The following RBFOX1 variants were observed in gnomAD, a reference collection of about 807,000 sequenced individuals.
RBFOX1 encodes the protein RNA binding fox-1 homolog 1.
Under a neutral mutation model 57.7 loss-of-function variants are expected in RBFOX1, and 8 were observed. That is an observed-to-expected ratio of 0.14 (90% CI 0.08 to 0.25). The LOEUF (loss-of-function observed/expected upper bound fraction) is 0.25, where lower values mean the gene tolerates loss of function less well. Ranked by LOEUF, RBFOX1 falls within the 10% of genes least tolerant of loss-of-function variation. The pLI is 1.00. For synonymous variants in RBFOX1, 326 were observed against 222.4 expected, an observed-to-expected ratio of 1.47 and a Z score of -4.15; for missense variants, 611 against 548.5, an observed-to-expected ratio of 1.11 and a Z score of -1.14.
At chr16:7,008,351 G>C (rs990398288) in intron 3 of RBFOX1, among the ~76,000 whole-genome samples, 1 of 151,992 alleles carries the variant, frequency 6.6e-6, no homozygotes, top group African/African-American at 2.4e-5. Context: ...AGACCATTCT[G>C]GCCAGTATGA....
chr16:6,340,633 G>A (rs536586247), intron 2 of RBFOX1, among the ~76,000 whole-genome samples: 1 of 152,300 alleles, frequency 6.6e-6, no homozygotes, highest in South Asian at 2.1e-4. Context: ...TAGCAGTGAG[G>A]ACAACCAGAG....
chr16:7,238,167 G>A (rs545919695), intron 4 of RBFOX1, among the ~76,000 whole-genome samples: 44 of 152,210 alleles, frequency 2.9e-4, no homozygotes, highest in African/African-American at 9.2e-4. Flanking sequence ...TGGCATGGTC[G>A]TTACCAAGGG....
At chr16:5,712,502 G>A (rs1039089219) in intron 3 of RBFOX1, among the ~76,000 whole-genome samples, 8 of 152,214 alleles carry the variant, frequency 5.3e-5, no homozygotes. Context: ...CAAGAGCAGA[G>A]GGAAGAGTAT....
intron 3 of RBFOX1, among the ~76,000 whole-genome samples, chr16:5,762,393 G>C (rs575712498): frequency 5.1e-4 from 77 of 151,616 alleles, no homozygotes; most frequent in Non-Finnish European, 5.2e-4. Context: ...ACTCAAGTCA[G>C]TGTTGGCCAA....
intron 3 of RBFOX1, among the ~76,000 whole-genome samples, chr16:6,718,428 A>G (rs1603457998): frequency 2.0e-5 from 3 of 152,358 alleles, no homozygotes; most frequent in Non-Finnish European, 4.4e-5. Context: ...AAGGAAGTCC[A>G]CAAGGTAATG....
At chr16:7,255,318 T>G (rs2094634587) in intron 4 of RBFOX1, among the ~76,000 whole-genome samples, 1 of 152,208 alleles carries the variant, frequency 6.6e-6, no homozygotes, top group African/African-American at 2.4e-5. Context: ...AAACTTTGAG[T>G]ACAAAAAGAT....
chr16:7,144,417 C>CTTCTTCTTTT (rs3046798), intron 4 of RBFOX1, among the ~76,000 whole-genome samples: 107 of 66,920 alleles, frequency 1.6e-3, no homozygotes, highest in African/African-American at 6.2e-3. Flanking sequence ...TTTCTTTCTT[C>CTTCTTCTTTT]TTTTTTTTTT....
At position 7,189,425 on chromosome 16, in the gene RBFOX1, CAAAAA is replaced by C. The variant is rs1159617665; in HGVS notation, c.27+137346_27+137350del. Reference sequence around the variant, plus strand: ...TGGGCGACAGAGCGAGACTCCCTCTCAAAAAAAAAAAAAAAAAAAAAAAGGAATCC... The same window carrying C: ...TGGGCGACAGAGCGAGACTCCCTCTCAAAAAAAAAAAAAAAAAAGGAATCC... On this transcript the variant is annotated intron_variant, in intron 4 of 15. Transcript: ENST00000550418. Among the ~76,000 whole-genome samples the C allele has an allele frequency of 3.1e-4, 21 of 67,622 alleles. No individual in the cohort carries two copies. In the South Asian group the frequency reaches 7.9e-3, roughly 25 times the overall value. 44.4% of individuals were successfully genotyped at this position (67,622 alleles called of 152,430 possible). A position where few individuals can be genotyped will look rare whatever the true frequency, so the allele number is the denominator to read the frequency against.
chr16:6,436,534 CT>C (rs923396704), intron 2 of RBFOX1, among the ~76,000 whole-genome samples: 6 of 99,328 alleles, frequency 6.0e-5, no homozygotes, highest in African/African-American at 2.4e-4. Context: ...TTTTTTTTGC[CT>C]TAAAAAGTTT....
intron 3 of RBFOX1, among the ~76,000 whole-genome samples, chr16:6,764,112 T>A (rs894562704): frequency 2.0e-5 from 3 of 152,204 alleles, no homozygotes; most frequent in Admixed American, 6.5e-5. Context: ...TTTCTGTGCC[T>A]CCCAGTCTTT....
chr16:5,411,984 C>G (rs1050528715), intron 1 of RBFOX1, among the ~76,000 whole-genome samples: 1 of 152,200 alleles, frequency 6.6e-6, no homozygotes, highest in Non-Finnish European at 1.5e-5. Context: ...CTATTCTTAT[C>G]TGTTTAATAT....
chr16:6,887,320 G>T (rs1017648145), intron 3 of RBFOX1, among the ~76,000 whole-genome samples: 14 of 152,168 alleles, frequency 9.2e-5, no homozygotes, highest in Non-Finnish European at 1.8e-4. Flanking sequence ...TTGATGGTGG[G>T]ACAGGATGGC....
chr16:5,474,318 C>T (rs1189323354), intron 2 of RBFOX1, among the ~76,000 whole-genome samples: 1 of 152,194 alleles, frequency 6.6e-6, no homozygotes, highest in Admixed American at 6.5e-5. Context: ...ACTGAGGGGA[C>T]TTCGTTAAAG....
chr16:5,788,175 C>G (rs2054571838), intron 3 of RBFOX1, among the ~76,000 whole-genome samples: 1 of 152,196 alleles, frequency 6.6e-6, no homozygotes, highest in South Asian at 2.1e-4. Context: ...GCTCCCAGGA[C>G]TGCATCCTGA....
chr16:6,574,584 A>T (rs1162548479), intron 2 of RBFOX1, among the ~76,000 whole-genome samples: 2 of 149,632 alleles, frequency 1.3e-5, no homozygotes. Context: ...GCCCGCCACC[A>T]AGCCCAGCTA....
At chr16:6,699,334 A>T (rs532838002) in intron 3 of RBFOX1, among the ~76,000 whole-genome samples, 1 of 150,480 alleles carries the variant, frequency 6.6e-6, no homozygotes, top group Non-Finnish European at 1.5e-5. Flanking sequence ...TTTCAGGATC[A>T]GTGACTAAAA....
intron 4 of RBFOX1, among the ~76,000 whole-genome samples, chr16:7,137,141 G>A (rs768733677): frequency 7.2e-5 from 11 of 152,246 alleles, no homozygotes; most frequent in Non-Finnish European, 1.5e-4. Flanking sequence ...GAATGATGCA[G>A]TGGGTTTCTA....
chr16:6,552,645 G>T (rs1003501244), intron 2 of RBFOX1, among the ~76,000 whole-genome samples: 1 of 151,978 alleles, frequency 6.6e-6, no homozygotes. Context: ...TGGCATCCTT[G>T]GAAAATGGAA....
At position 7,417,447 on chromosome 16, in the gene RBFOX1, C is replaced by G. The variant is rs13339387; in HGVS notation, c.28-100700C>G. Among the ~76,000 whole-genome samples, 1,085 of 151,280 alleles carry G rather than the reference C, an allele frequency of 7.2e-3. 13 individuals carry two copies. The highest frequency in any genetic ancestry group is 0.024 in the African/African-American group (1,001 of 41,178). ...CCCCAGTGGTAACATCTTATATAACCAAAGTACACCACCACCACCAGGAAA... is the reference window on the plus strand; with the variant it reads ...CCCCAGTGGTAACATCTTATATAACGAAAGTACACCACCACCACCAGGAAA... On this transcript the variant is annotated intron_variant, in intron 4 of 15. Transcript: ENST00000550418.
Sources: gnomAD v4.1 joint callset for allele counts (sites outside exome capture counted in the v4.1 genomes callset) on GRCh38, gnomAD v4.1.1 for gene constraint, MANE v1.5 for transcripts, NCBI Gene and HGNC (gene_info 2026-07-23, HGNC 2026-07-21) for gene names.